COL12A1: variants seen among roughly 807,000 people sequenced by gnomAD.
COL12A1 encodes the protein collagen type XII alpha 1 chain, also known as collagen alpha-1(XII) chain.
COL12A1 carries 114 observed loss-of-function variants against 349.7 expected under a neutral mutation model. That is an observed-to-expected ratio of 0.33 (90% CI 0.28 to 0.38). The LOEUF (loss-of-function observed/expected upper bound fraction) is 0.38, where lower values mean the gene tolerates loss of function less well. Among genes scored for constraint, COL12A1 ranks in the 10% least tolerant of loss-of-function variants. COL12A1 has a pLI of 1.00. For synonymous variants in COL12A1, 1,369 were observed against 1,329.0 expected (o/e 1.03, Z -0.66); for missense variants, 3,284 against 3,756.9 (o/e 0.87, Z 3.29).
chr6:75,128,186 T>G, intron 38 of COL12A1, 110 bp downstream of exon 38: 1 of 892,412 alleles, frequency 1.1e-6, no homozygotes, highest in African/African-American at 1.7e-5. Context: ...AGTGTGGTAT[T>G]TGAGATGTAT....
At chr6:75,177,467 T>C (rs1450602294) in intron 12 of COL12A1, among the ~76,000 whole-genome samples, 196 bp downstream of exon 12, 1 of 151,816 alleles carries the variant, frequency 6.6e-6, no homozygotes, top group Non-Finnish European at 1.5e-5. Context: ...AACAAATAAA[T>C]CTATTGACAC....
At position 75,087,644 on chromosome 6, in the gene COL12A1, T is replaced by G; in HGVS notation, c.9114A>C (p.Pro3038=). ...AAGAATCACAGTATCCAGGAGGACC[T>G]GGGGGTCCTCGGATACCTGAGTTTC... The part of the protein sequence containing the change: ...RPGNSGIRGP[P]GPPGYCDSSQ... The change falls in exon 65 of 66, where the codon CCA becomes CCC. Residue 3038 remains proline, a synonymous_variant. Transcript: ENST00000322507. 6.2e-7 allele frequency: 1 copy of G among 1,612,334 alleles called. No homozygotes were observed. The highest frequency in any genetic ancestry group is 1.1e-5 in the South Asian group (1 of 90,804).
At position 75,133,313 on chromosome 6, in the gene COL12A1, G is replaced by A; in HGVS notation, c.5774C>T (p.Thr1925Ile). ...CTTACATGTCCTTCCAGTATCTGAT[G>A]TGCGTCCCCCATCACCTTCAGTATA... ...PVYTEGDGGR[T>I]SDTGRTLMRG... Residue 1925 changes from threonine to isoleucine, a missense_variant, in exon 34 of 66, where the codon ACA becomes ATA. Thr to Ile is a moderately conservative substitution (Grantham distance 89, BLOSUM62 -1). Around this residue, in one of 2 missense-constraint regions of COL12A1, gnomAD observed 2,601 missense variants for 2,824.8 expected, o/e 0.92. Coordinates refer to ENST00000322507, the MANE Select transcript of COL12A1 (RefSeq NM_004370.6). The A allele has an allele frequency of 6.2e-7, 1 of 1,600,538 alleles. No homozygotes were observed. The highest frequency in any genetic ancestry group is 8.5e-7 in the Non-Finnish European group (1 of 1,174,614).
At chr6:75,111,999 AT>A (rs36040499) in intron 51 of COL12A1, among the ~76,000 whole-genome samples, 2 of 151,914 alleles carry the variant, frequency 1.3e-5, no homozygotes, top group East Asian at 3.9e-4. Flanking sequence ...GGTAGAAGAA[AT>A]TTCTTCAATT....
intron 2 of COL12A1, among the ~76,000 whole-genome samples, chr6:75,196,788 A>T (rs906371299): frequency 6.6e-6 from 1 of 152,236 alleles, no homozygotes; most frequent in African/African-American, 2.4e-5. Context: ...AAATCAGTAC[A>T]TGGAAAAACA....
At chr6:75,142,791 C>T (rs1766971957) in intron 26 of COL12A1, among the ~76,000 whole-genome samples, 1 of 152,160 alleles carries the variant, frequency 6.6e-6, no homozygotes, top group South Asian at 2.1e-4. Flanking sequence ...AAGAACACTC[C>T]CAAAAGGACA....
intron 2 of COL12A1, 49 bp downstream of exon 2, chr6:75,202,671 T>A (rs1177935532): frequency 6.6e-7 from 1 of 1,515,380 alleles, no homozygotes; most frequent in Admixed American, 2.0e-5. Flanking sequence ...GTTTTTTCCT[T>A]TCTCGAATTT....
chr6:75,089,541 A>G (rs750177240), intron 63 of COL12A1, among the ~76,000 whole-genome samples: 2 of 152,214 alleles, frequency 1.3e-5, no homozygotes, highest in African/African-American at 2.4e-5. Context: ...CAGCCAAACC[A>G]GTAGAATTAT....
chr6:75,169,559 CA>C (rs1270443960), intron 13 of COL12A1, among the ~76,000 whole-genome samples: 1 of 152,148 alleles, frequency 6.6e-6, no homozygotes, highest in African/African-American at 2.4e-5. Context: ...TTCTGTTCCC[CA>C]AGATTTACAA....
At chr6:75,116,226 T>C (rs965181780) in intron 47 of COL12A1, among the ~76,000 whole-genome samples, 169 bp from the exon 48 acceptor site, 11 of 152,188 alleles carry the variant, frequency 7.2e-5, no homozygotes, top group African/African-American at 1.9e-4. Flanking sequence ...ATTTCCTACG[T>C]GTAGGAGAAA....
intron 54 of COL12A1, among the ~76,000 whole-genome samples, chr6:75,104,281 G>GA (rs962719526): frequency 1.2e-4 from 19 of 152,002 alleles, no homozygotes; most frequent in African/African-American, 4.1e-4. Flanking sequence ...TACTACAGGG[G>GA]AAAAAATCCC....
intron 8 of COL12A1, among the ~76,000 whole-genome samples, chr6:75,188,148 T>A (rs558005906): frequency 1.3e-5 from 2 of 152,236 alleles, no homozygotes; most frequent in South Asian, 4.1e-4. Context: ...TTAAGAACTG[T>A]GCAATGATAC....
rs1178618955 is a variant in COL12A1 at position 75,085,389 on chromosome 6, A to T, written c.*1158T>A. On this transcript the variant is annotated 3_prime_UTR_variant, in exon 66 of 66. Coordinates refer to ENST00000322507, the MANE Select transcript of COL12A1 (RefSeq NM_004370.6). ...CTCTGTCCGATTCAACATTACAATT[A>T]TGGCATGATTTGGAAGGCACACACA... 1.8e-5 allele frequency: 8 copies of T among 449,780 alleles called. No homozygotes were observed. The Admixed American group carries it at 2.0e-4, about 11-fold the overall frequency. The allele number at this position is 449,780 out of a possible 1,614,324, so 27.9% of individuals were successfully genotyped here. A position where few individuals can be genotyped will look rare whatever the true frequency, so the allele number is the denominator to read the frequency against.
In COL12A1 at chr6:75,177,918, T is replaced by A. The variant is rs578094154; in HGVS notation, c.2182A>T (p.Asn728Tyr). The A allele has an allele frequency of 1.9e-6, 3 of 1,606,996 alleles. No homozygotes were observed. The highest frequency in any genetic ancestry group is 2.5e-6 in the Non-Finnish European group (3 of 1,179,086). The stretch of plus-strand genomic sequence containing the variant: ...GTAGTCTCATCTGTCACCTTTAGGT[T>A]TCGAGGTGCTCCTTTTACTGAAATA... ...TTEEVKGAPR[N>Y]LKVTDETTDS... is the part of the protein sequence containing the mutation. The change falls in exon 12 of 66, where the codon AAC (asparagine) becomes TAC (tyrosine). Residue 728 changes from asparagine (N) to tyrosine (Y), a missense_variant. Asn to Tyr is a moderately radical substitution (Grantham distance 143, BLOSUM62 -2). Around this residue, in one of 2 missense-constraint regions of COL12A1, gnomAD observed 2,601 missense variants for 2,824.8 expected, o/e 0.92. Coordinates refer to ENST00000322507, the MANE Select transcript of COL12A1 (RefSeq NM_004370.6).
At chr6:75,101,328 C>A (rs1002154387) in intron 58 of COL12A1, among the ~76,000 whole-genome samples, 4 of 152,222 alleles carry the variant, frequency 2.6e-5, no homozygotes, top group African/African-American at 9.6e-5. Flanking sequence ...GCTAAAATTC[C>A]TTTTCTGGAC....
intron 33 of COL12A1, among the ~76,000 whole-genome samples, 167 bp from the exon 34 acceptor site, chr6:75,133,589 C>G (rs1052135778): frequency 2.6e-5 from 4 of 152,098 alleles, no homozygotes; most frequent in Non-Finnish European, 5.9e-5. Flanking sequence ...TTACATATTT[C>G]CCTATACCCC....
Position 75,085,881 on chromosome 6 carries a change from G to C in COL12A1, c.*666C>G, listed in dbSNP as rs1368859590. On this transcript the variant is annotated 3_prime_UTR_variant, in exon 66 of 66. Coordinates refer to ENST00000322507, the MANE Select transcript of COL12A1 (RefSeq NM_004370.6). ...TACAGCTGGTGGGTGAGGAACACCA[G>C]TGACTACAGCAAAACAGGAAGAAAA... is the stretch of plus-strand genomic sequence containing the variant. 1 of 154,214 alleles carries C rather than the reference G, an allele frequency of 6.5e-6. No individual in the cohort carries two copies. The highest frequency in any genetic ancestry group is 1.4e-5 in the Non-Finnish European group (1 of 69,048). 9.6% of individuals were successfully genotyped at this position (154,214 alleles called of 1,614,324 possible).
At chr6:75,146,954 G>A (rs116849474) in intron 23 of COL12A1, among the ~76,000 whole-genome samples, 3 of 152,286 alleles carry the variant, frequency 2.0e-5, no homozygotes, top group Admixed American at 6.5e-5. Flanking sequence ...AGAGTGATGC[G>A]CACTCCTTCT....
chr6:75,165,848 G>T, intron 13 of COL12A1, 69 bp from the exon 14 acceptor site: 1 of 1,435,608 alleles, frequency 7.0e-7, no homozygotes, highest in African/African-American at 1.4e-5. Flanking sequence ...TATATTCATT[G>T]ATCCTGGTAG....
Sources: gnomAD v4.1 joint callset for allele counts (sites outside exome capture counted in the v4.1 genomes callset) on GRCh38, gnomAD v4.1.1 for gene constraint, gnomAD v4.1.1 regional missense constraint, MANE v1.5 for transcripts, NCBI Gene and HGNC (gene_info 2026-07-23, HGNC 2026-07-21) for gene names.